EIF4A3: variants seen among roughly 807,000 people sequenced by gnomAD.
EIF4A3 encodes the protein eukaryotic translation initiation factor 4A3, also known as eukaryotic initiation factor 4A-III.
Under a neutral mutation model 55.6 loss-of-function variants are expected in EIF4A3, and 1 was observed. The ratio of observed to expected loss-of-function variants is 0.02; its 90% CI spans 0.01 to 0.09. EIF4A3 has a LOEUF of 0.09. EIF4A3 is among the 10% of genes least tolerant of loss of function. The pLI, the probability that EIF4A3 is intolerant of heterozygous loss-of-function variation, is 1.00. For missense variants in EIF4A3, 221 were observed against 540.7 expected (o/e 0.41, Z 5.86); for synonymous variants, 194 against 196.3 (o/e 0.99, Z 0.10).
chr17:80,146,361 C>A (rs1052785438), intron 1 of EIF4A3, among the ~76,000 whole-genome samples: 28 of 152,180 alleles, frequency 1.8e-4, no homozygotes, highest in African/African-American at 6.5e-4. Context: ...TATTCAATTA[C>A]CCCGCTTCAG....
At chr17:80,140,816 GAC>G (rs1233413762) in intron 4 of EIF4A3, among the ~76,000 whole-genome samples, 4 of 149,632 alleles carry the variant, frequency 2.7e-5, no homozygotes, top group Non-Finnish European at 1.5e-5. Context: ...TTTTTTTTGA[GAC>G]AGAGTTTCAC....
In EIF4A3 at chr17:80,146,764, GCTGGCCCCCGC is replaced by G. The variant is rs750131808; in HGVS notation, c.169+18_169+28del. 1 of 1,596,244 alleles carries G rather than the reference GCTGGCCCCCGC, an allele frequency of 6.3e-7. No individual in the cohort carries two copies. The highest frequency in any genetic ancestry group is 2.3e-5 in the East Asian group (1 of 44,008). ...CCGGCTCGCCCCCGACTCGCCCCCG[GCTGGCCCCCGC>G]GGCCCGCGCCCGCTCACCGTAAGCG... On this transcript the variant is annotated intron_variant, in intron 1 of 11. Coordinates refer to ENST00000649764, the MANE Select transcript of EIF4A3 (RefSeq NM_014740.4).
At chr17:80,146,072 T>C (rs1221519246) in intron 1 of EIF4A3, among the ~76,000 whole-genome samples, 4 of 152,036 alleles carry the variant, frequency 2.6e-5, no homozygotes, top group African/African-American at 7.2e-5. Context: ...ACTAGATTTC[T>C]AAATGAAATT....
intron 9 of EIF4A3, chr17:80,137,029 A>G (rs1484552152): frequency 3.3e-5 from 6 of 180,922 alleles, no homozygotes; most frequent in Admixed American, 1.2e-4. Context: ...AGGAAGTCTG[A>G]ATCAAGTTCA....
intron 6 of EIF4A3, 166 bp downstream of exon 6, chr17:80,139,504 T>C (rs2039600434): frequency 1.5e-6 from 1 of 683,726 alleles, no homozygotes; most frequent in South Asian, 2.0e-5. Context: ...ATAAATAAAA[T>C]CAAGGTAGGA....
chr17:80,140,395 G>A (rs1187842089), intron 4 of EIF4A3: 5 of 300,540 alleles, frequency 1.7e-5, no homozygotes, highest in Non-Finnish European at 3.0e-5. Flanking sequence ...CTCACTGCAA[G>A]CTCCGCCTCC....
chr17:80,140,288 C>T, intron 4 of EIF4A3, 148 bp from the exon 5 acceptor site: 2 of 956,822 alleles, frequency 2.1e-6, no homozygotes, highest in Non-Finnish European at 2.8e-6. Flanking sequence ...CTGCTCTTTT[C>T]TCTGACAAAA....
chr17:80,137,567 C>T lies in EIF4A3; in HGVS notation c.868-66G>A, dbSNP rs137937579. 3.8e-4 allele frequency: 466 copies of T among 1,242,024 alleles called. 4 individuals carry two copies. The African/African-American group carries it at 6.6e-3, about 18-fold the overall frequency. The allele number at this position is 1,242,024 out of a possible 1,614,324, so 76.9% of individuals were successfully genotyped here. A position where few individuals can be genotyped will look rare whatever the true frequency, so the allele number is the denominator to read the frequency against. On this transcript the variant is annotated intron_variant, in intron 8 of 11. Coordinates refer to ENST00000649764, the MANE Select transcript of EIF4A3 (RefSeq NM_014740.4). ...CCAAAGCAGAGATGTGCATTCGGGACTTTACCGCATCATTTGCAGAACCAG... is the reference window on the plus strand; with the variant it reads ...CCAAAGCAGAGATGTGCATTCGGGATTTTACCGCATCATTTGCAGAACCAG...
chr17:80,141,770 A>G lies in EIF4A3; in HGVS notation c.309+12T>C, dbSNP rs1176746515. On this transcript the variant is annotated intron_variant, in intron 3 of 11. Transcript: ENST00000649764. The stretch of plus-strand genomic sequence containing the variant: ...AATTACATAACAGTTTGTTTTAAGA[A>G]TGGCAAATTACCTGAATATCCAAAC... The G allele has an allele frequency of 6.8e-6, 11 of 1,610,944 alleles. No individual in the cohort carries two copies. Among genetic ancestry groups the G allele is most frequent in the African/African-American group, 1.3e-5 (1 of 74,978 alleles).
rs1420649788 is a variant in EIF4A3 at position 80,134,934 on chromosome 17, G to A, written c.*556C>T. Among the ~76,000 whole-genome samples, 5 of 152,142 alleles carry A rather than the reference G, an allele frequency of 3.3e-5. No homozygotes were observed. The highest frequency in any genetic ancestry group is 2.1e-4 in the South Asian group (1 of 4,826). Reference sequence around the variant, plus strand: ...TGGGAGGCCGAGGTGGGTGGATCACGAGGTCAGGAGATCGAGACCATCTTG... The same window carrying A: ...TGGGAGGCCGAGGTGGGTGGATCACAAGGTCAGGAGATCGAGACCATCTTG... On this transcript the variant is annotated 3_prime_UTR_variant, in exon 12 of 12. Coordinates refer to ENST00000649764, the MANE Select transcript of EIF4A3 (RefSeq NM_014740.4).
chr17:80,137,515 C>T lies in EIF4A3; in HGVS notation c.868-14G>A. 6.2e-7 allele frequency: 1 copy of T among 1,607,174 alleles called. No homozygotes were observed. Among genetic ancestry groups the T allele is most frequent in the Non-Finnish European group, 8.5e-7 (1 of 1,175,028 alleles). ...CAGCCAGTCCACCTACAAATCCAAT[C>T]AACAGATGCTACTGCAAGCTAGTAT... On this transcript the variant is annotated splice_polypyrimidine_tract_variant and intron_variant, in intron 8 of 11. Transcript: ENST00000649764.
chr17:80,143,067 G>A (rs960031730), intron 2 of EIF4A3, among the ~76,000 whole-genome samples: 1 of 152,102 alleles, frequency 6.6e-6, no homozygotes, highest in Non-Finnish European at 1.5e-5. Context: ...TTTTTAAAAA[G>A]CATTATGGTA....
rs760226009 is a variant in EIF4A3, at chr17:80,140,140, C to T, written c.373G>A (p.Gly125Arg). 2.5e-6 allele frequency: 4 copies of T among 1,592,988 alleles called. No individual in the cohort carries two copies. The Admixed American group carries it at 7.1e-5, about 28-fold the overall frequency. The change falls in exon 5 of 12, where the codon GGG (glycine) becomes AGG (arginine). Residue 125 changes from glycine (G) to arginine (R), a missense_variant and splice_region_variant. By Grantham distance (125) the Gly-to-Arg change is moderately radical (BLOSUM62 -2). Transcript: ENST00000649764. ...TRELAVQIQK[G>R]LLALGDYMNV... ...ATGTAGTCACCGAGAGCAAGCAGCCCCTGAAACAAAGCACAGGTTCACGTC... is the reference window on the plus strand; with the variant it reads ...ATGTAGTCACCGAGAGCAAGCAGCCTCTGAAACAAAGCACAGGTTCACGTC...
At chr17:80,143,446 G>C (rs1397511050) in intron 2 of EIF4A3, among the ~76,000 whole-genome samples, 1 of 152,182 alleles carries the variant, frequency 6.6e-6, no homozygotes, top group African/African-American at 2.4e-5. Context: ...AAAGAGGGTA[G>C]TCATGGGGAC....
intron 11 of EIF4A3, 99 bp downstream of exon 11, chr17:80,135,905 C>CA (rs545911373): frequency 1.3e-6 from 2 of 1,511,128 alleles, no homozygotes; most frequent in East Asian, 2.3e-5. Flanking sequence ...AAAAACAAAA[C>CA]AAAAAAACCC....
At position 80,135,005 on chromosome 17, in the gene EIF4A3, A is replaced by G. The variant is rs551059973; in HGVS notation, c.*485T>C. On this transcript the variant is annotated 3_prime_UTR_variant, in exon 12 of 12. Coordinates refer to ENST00000649764, the MANE Select transcript of EIF4A3 (RefSeq NM_014740.4). ...TCTCTACTGAAAATACAAAAAAATT[A>G]GCCTGGCATGGTGGCGGCCGCCTGT... Among the ~76,000 whole-genome samples the G allele has an allele frequency of 6.6e-6, 1 of 151,858 alleles. No individual in the cohort carries two copies. The highest frequency in any genetic ancestry group is 1.9e-4 in the East Asian group (1 of 5,134).
chr17:80,143,808 C>A (rs190077152), intron 2 of EIF4A3, among the ~76,000 whole-genome samples: 2 of 147,686 alleles, frequency 1.4e-5, no homozygotes, highest in South Asian at 4.4e-4. Flanking sequence ...GTGAAACCCC[C>A]GTCTCTACTA....
At chr17:80,138,378 TCACACCGTGATATCTGG>T (rs2039590531) in intron 7 of EIF4A3, 98 bp from the exon 8 acceptor site, 20 of 1,488,274 alleles carry the variant, frequency 1.3e-5, no homozygotes, top group Admixed American at 3.5e-5. Flanking sequence ...GTGGAAAAGG[TCACACCGTGATATCTGG>T]TGCAGACCCA....
chr17:80,138,142 C>T lies in EIF4A3; in HGVS notation c.867G>A (p.Lys289=), dbSNP rs35229151. The change falls in exon 8 of 12, where the codon AAG becomes AAA. Residue 289 remains lysine, a splice_region_variant and synonymous_variant. Coordinates refer to ENST00000649764, the MANE Select transcript of EIF4A3 (RefSeq NM_014740.4). The part of the protein sequence containing the change: ...QAVIFCNTKR[K]VDWLTEKMRE... ...ATGGATGCTGTGCAGTGCCTCTTAC[C>T]TTTCTTTTGGTGTTGCAGAAGATGA... The T allele has an allele frequency of 1.3e-3, 2,042 of 1,613,810 alleles. 33 individuals are homozygous for T. In the African/African-American group the frequency reaches 0.023, roughly 19 times the overall value.
Sources: allele counts gnomAD v4.1 joint callset (sites outside exome capture counted in the v4.1 genomes callset), GRCh38; gene constraint gnomAD v4.1.1; transcripts MANE v1.5; gene names NCBI Gene and HGNC (gene_info 2026-07-23, HGNC 2026-07-21).